KCNIP4: variants seen among roughly 807,000 people sequenced by gnomAD.
KCNIP4 encodes potassium voltage-gated channel interacting protein 4.
Under a neutral mutation model 34.0 loss-of-function variants are expected in KCNIP4, and 12 were observed. The observed-to-expected ratio is 0.35, with a 90% confidence interval of 0.23 to 0.57. KCNIP4 has a LOEUF of 0.57. KCNIP4 is among the 20% of genes least tolerant of loss of function. KCNIP4 has a pLI of 0.83. For missense variants in KCNIP4, 238 were observed against 311.7 expected, an observed-to-expected ratio of 0.76 and a Z score of 1.78; for synonymous variants, 124 against 102.2, an observed-to-expected ratio of 1.21 and a Z score of -1.29.
chr4:21,072,510 A>T (rs540890028), intron 1 of KCNIP4, among the ~76,000 whole-genome samples: 46 of 151,824 alleles, frequency 3.0e-4, no homozygotes, highest in African/African-American at 1.0e-3. Flanking sequence ...TGTAAAAAAA[A>T]TTTTGTTTAA....
At chr4:21,017,551 A>G (rs1739657051) in intron 1 of KCNIP4, among the ~76,000 whole-genome samples, 1 of 152,154 alleles carries the variant, frequency 6.6e-6, no homozygotes, top group South Asian at 2.1e-4. Context: ...ATAGTATTCC[A>G]TGGTGTGTCT....
intron 1 of KCNIP4, among the ~76,000 whole-genome samples, chr4:21,818,381 C>A (rs1722117665): frequency 6.6e-6 from 1 of 152,162 alleles, no homozygotes. Flanking sequence ...ATGTTCATGT[C>A]TTGTCATATT....
At chr4:21,685,599 T>TA (rs1354836728) in intron 1 of KCNIP4, among the ~76,000 whole-genome samples, 1 of 152,198 alleles carries the variant, frequency 6.6e-6, no homozygotes, top group Non-Finnish European at 1.5e-5. Flanking sequence ...ATGACCTTAG[T>TA]AAAATCACTT....
intron 4 of KCNIP4, among the ~76,000 whole-genome samples, chr4:20,752,066 T>TTC (rs35585587): frequency 0.14 from 21,530 of 149,960 alleles, 1,776 homozygotes; most frequent in Middle Eastern, 0.22. Context: ...TTTTTTTTTT[T>TTC]TTTTTTTTTG....
At chr4:21,278,823 T>G (rs1762600517) in intron 1 of KCNIP4, among the ~76,000 whole-genome samples, 1 of 152,160 alleles carries the variant, frequency 6.6e-6, no homozygotes, top group South Asian at 2.1e-4. Flanking sequence ...ACAGAAACTT[T>G]GGCAAATGAA....
chr4:21,347,109 A>G (rs1287947403), intron 1 of KCNIP4, among the ~76,000 whole-genome samples: 2 of 152,208 alleles, frequency 1.3e-5, no homozygotes, highest in Non-Finnish European at 2.9e-5. Context: ...ACTGAGCCCA[A>G]TAAAGAGAAA....
chr4:21,367,301 T>C (rs1719883036), intron 1 of KCNIP4, among the ~76,000 whole-genome samples: 1 of 152,238 alleles, frequency 6.6e-6, no homozygotes, highest in Non-Finnish European at 1.5e-5. Context: ...ACTGGGAAAG[T>C]AGATACATAA....
chr4:21,556,747 C>A (rs1207817144), intron 1 of KCNIP4, among the ~76,000 whole-genome samples: 1 of 151,396 alleles, frequency 6.6e-6, no homozygotes, highest in Non-Finnish European at 1.5e-5. Context: ...ATGGTGAAAC[C>A]CCATCTTTAC....
At chr4:21,593,849 G>C (rs1315127878) in intron 1 of KCNIP4, among the ~76,000 whole-genome samples, 2 of 152,116 alleles carry the variant, frequency 1.3e-5, no homozygotes, top group Non-Finnish European at 2.9e-5. Context: ...GAGACAAATA[G>C]TGCAAGAATT....
At chr4:21,131,777 G>A (rs540611887) in intron 1 of KCNIP4, among the ~76,000 whole-genome samples, 2 of 152,170 alleles carry the variant, frequency 1.3e-5, no homozygotes, top group Non-Finnish European at 2.9e-5. Flanking sequence ...CTTTGGATAT[G>A]TATACTTTTC....
intron 1 of KCNIP4, among the ~76,000 whole-genome samples, chr4:21,561,568 T>C (rs1210326546): frequency 6.6e-6 from 1 of 151,936 alleles, no homozygotes. Flanking sequence ...GCCATTTAAA[T>C]GATGGTGGGC....
At chr4:20,761,067 G>T (rs370487133) in intron 3 of KCNIP4, among the ~76,000 whole-genome samples, 1 of 152,122 alleles carries the variant, frequency 6.6e-6, no homozygotes, top group African/African-American at 2.4e-5. Flanking sequence ...ATGTGAGGGG[G>T]CCTCATTGAA....
At chr4:21,350,756 C>A (rs948381138) in intron 1 of KCNIP4, among the ~76,000 whole-genome samples, 3 of 152,174 alleles carry the variant, frequency 2.0e-5, no homozygotes, top group Non-Finnish European at 2.9e-5. Flanking sequence ...ATGCCCATCC[C>A]TAAATGTGTG....
intron 1 of KCNIP4, among the ~76,000 whole-genome samples, chr4:21,824,783 A>G (rs1208594632): frequency 6.6e-6 from 1 of 152,108 alleles, no homozygotes; most frequent in Admixed American, 6.6e-5. Context: ...ATCAAGGAGA[A>G]CCTGTTGGGC....
At chr4:20,814,477 C>T (rs927333631) in intron 3 of KCNIP4, among the ~76,000 whole-genome samples, 1 of 152,142 alleles carries the variant, frequency 6.6e-6, no homozygotes, top group Non-Finnish European at 1.5e-5. Flanking sequence ...GAGCAACAAG[C>T]TCAAGGAAAT....
chr4:20,880,165 AAAG>A (rs1326834784), intron 2 of KCNIP4, among the ~76,000 whole-genome samples: 1 of 152,204 alleles, frequency 6.6e-6, no homozygotes, highest in Non-Finnish European at 1.5e-5. Flanking sequence ...TGATGGGAAA[AAAG>A]ATATTACTAG....
intron 1 of KCNIP4, among the ~76,000 whole-genome samples, chr4:21,735,041 TTC>T (rs1459528758): frequency 7.2e-5 from 11 of 152,132 alleles, no homozygotes; most frequent in Non-Finnish European, 1.2e-4. Context: ...GCTGAATTTC[TTC>T]TGTGTTCCAA....
rs180878030 is a variant in KCNIP4, at chr4:20,729,848, A to G, written c.*234T>C. The G allele has an allele frequency of 1.3e-3, 507 of 399,312 alleles. 2 individuals are homozygous for G. The highest frequency in any genetic ancestry group is 9.2e-3 in the African/African-American group (445 of 48,538). The allele number at this position is 399,312 out of a possible 1,614,324, so 24.7% of individuals were successfully genotyped here. On this transcript the variant is annotated 3_prime_UTR_variant, in exon 9 of 9. Transcript: ENST00000382152. ...GATTCTATTACTTTTGAATATTCAC[A>G]GAGTATGAAATGAGTTAGACCATCC...
chr4:21,825,228 GA>G (rs1722601734), intron 1 of KCNIP4, among the ~76,000 whole-genome samples: 1 of 148,108 alleles, frequency 6.8e-6, no homozygotes, highest in South Asian at 2.1e-4. Context: ...AATGCAGGAA[GA>G]AAAAAATATG....
Sources: gnomAD v4.1 joint callset for allele counts (sites outside exome capture counted in the v4.1 genomes callset) on GRCh38, gnomAD v4.1.1 for gene constraint, MANE v1.5 for transcripts, NCBI Gene and HGNC (gene_info 2026-07-23, HGNC 2026-07-21) for gene names.